The following NOL4L variants were observed in gnomAD, a reference collection of about 807,000 sequenced individuals.
NOL4L encodes nucleolar protein 4 like.
Under a neutral mutation model 64.5 loss-of-function variants are expected in NOL4L, and 7 were observed. That is an observed-to-expected ratio of 0.11 (90% CI 0.06 to 0.20). The LOEUF (loss-of-function observed/expected upper bound fraction) is 0.20, where lower values mean the gene tolerates loss of function less well. Among genes scored for constraint, NOL4L ranks in the 10% least tolerant of loss-of-function variants. The probability of loss-of-function intolerance (pLI) is 1.00; values close to 1 mark genes in which losing one functional copy is unlikely to be tolerated. For missense variants in NOL4L, 680 were observed against 967.1 expected (o/e 0.70, Z 3.94); for synonymous variants, 413 against 401.0 (o/e 1.03, Z -0.36).
intron 1 of NOL4L, among the ~76,000 whole-genome samples, chr20:32,551,055 C>CA (rs2018794481): frequency 1.3e-5 from 2 of 151,544 alleles, no homozygotes; most frequent in East Asian, 1.9e-4. Context: ...GACTCCATCT[C>CA]AAAAAATAAT....
chr20:32,505,517 G>C (rs1161588876), intron 4 of NOL4L, among the ~76,000 whole-genome samples: 1 of 152,106 alleles, frequency 6.6e-6, no homozygotes, highest in African/African-American at 2.4e-5. Context: ...TTGAGTTCCA[G>C]ACCAGCCCAG....
At chr20:32,465,196 T>G (rs1600675457) in intron 5 of NOL4L, 1 of 462,530 alleles carries the variant, frequency 2.2e-6, no homozygotes, top group Middle Eastern at 4.9e-4. Flanking sequence ...AGGCGGCGGG[T>G]AACTCATCAT....
chr20:32,522,899 G>C lies in NOL4L; in HGVS notation c.478-1977C>G, dbSNP rs958842738. Among the ~76,000 whole-genome samples, 5 of 152,310 alleles carry C rather than the reference G, an allele frequency of 3.3e-5. No homozygotes were observed. The South Asian group carries it at 6.2e-4, about 19-fold the overall frequency. On this transcript the variant is annotated intron_variant, in intron 2 of 10. Coordinates refer to ENST00000621426, the MANE Select transcript of NOL4L (RefSeq NM_001256798.2). ...GAAGAGGGCCAGGTCCCTACCATGA[G>C]GGCAGCCCTACTAAGCTACCCAAAG...
intron 4 of NOL4L, among the ~76,000 whole-genome samples, chr20:32,482,894 G>T (rs530940462): frequency 6.7e-6 from 1 of 148,332 alleles, no homozygotes; most frequent in Admixed American, 6.6e-5. Context: ...CCGCCCCGCC[G>T]CCAGAGAACG....
intron 1 of NOL4L, among the ~76,000 whole-genome samples, chr20:32,552,514 C>G (rs1034434541): frequency 5.3e-5 from 8 of 151,992 alleles, no homozygotes; most frequent in African/African-American, 1.9e-4. Flanking sequence ...TGGCGAAACT[C>G]TGTCTCTACT....
At chr20:32,474,480 A>AC (rs2015248246) in intron 5 of NOL4L, 121 bp downstream of exon 5, 2 of 1,251,894 alleles carry the variant, frequency 1.6e-6, no homozygotes, top group African/African-American at 3.1e-5. Flanking sequence ...GGCCTGAGCC[A>AC]CCCAAAGGCC....
In NOL4L at chr20:32,545,391, T is replaced by G. The variant is rs544385540; in HGVS notation, c.322-17478A>C. On this transcript the variant is annotated intron_variant, in intron 1 of 10. Coordinates refer to ENST00000621426, the MANE Select transcript of NOL4L (RefSeq NM_001256798.2). Reference sequence around the variant, plus strand: ...CCCAGTCCTTGAACTTCGTCCACCTTGGGGCCACTCACACGTGTGCGATGT... The same window carrying G: ...CCCAGTCCTTGAACTTCGTCCACCTGGGGGCCACTCACACGTGTGCGATGT... Among the ~76,000 whole-genome samples the G allele has an allele frequency of 1.1e-3, 172 of 152,350 alleles. 1 individual carries two copies. The highest frequency in any genetic ancestry group is 3.7e-3 in the African/African-American group (154 of 41,576).
intron 4 of NOL4L, among the ~76,000 whole-genome samples, chr20:32,487,601 G>T (rs2016145752): frequency 6.6e-6 from 1 of 152,124 alleles, no homozygotes; most frequent in Non-Finnish European, 1.5e-5. Flanking sequence ...GGGCCAGGGG[G>T]AGGGCAGGAG....
chr20:32,575,014 G>A (rs1342325773), intron 1 of NOL4L, among the ~76,000 whole-genome samples: 4 of 152,056 alleles, frequency 2.6e-5, no homozygotes, highest in East Asian at 1.9e-4. Flanking sequence ...CTGGTCCGTC[G>A]AGGAAACCCG....
intron 4 of NOL4L, among the ~76,000 whole-genome samples, chr20:32,479,217 C>T (rs2015581695): frequency 6.6e-6 from 1 of 152,210 alleles, no homozygotes; most frequent in Non-Finnish European, 1.5e-5. Flanking sequence ...GACAACTGTG[C>T]AGAGGGGGAA....
chr20:32,524,727 G>A (rs1465838693), intron 2 of NOL4L, among the ~76,000 whole-genome samples: 3 of 152,214 alleles, frequency 2.0e-5, no homozygotes, highest in Non-Finnish European at 4.4e-5. Context: ...CCACAGGCAT[G>A]GATGGGTGGG....
At chr20:32,584,414 C>G (rs1226246995) in intron 1 of NOL4L, among the ~76,000 whole-genome samples, 156 bp downstream of exon 1, 1 of 151,480 alleles carries the variant, frequency 6.6e-6, no homozygotes, top group South Asian at 2.1e-4. Flanking sequence ...CGGGAAGGGC[C>G]GGTGAGCAGG....
At position 32,446,070 on chromosome 20, in the gene NOL4L, A is replaced by G. The variant is rs1458313598; in HGVS notation, c.*1526T>C. 6.6e-6 allele frequency: 1 copy of G among 152,330 alleles called. No individual in the cohort carries two copies. Among genetic ancestry groups the G allele is most frequent in the African/African-American group, 2.4e-5 (1 of 41,446 alleles). The allele number at this position is 152,330 out of a possible 1,614,324, so 9.4% of individuals were successfully genotyped here. On this transcript the variant is annotated 3_prime_UTR_variant, in exon 11 of 11. Coordinates refer to ENST00000621426, the MANE Select transcript of NOL4L (RefSeq NM_001256798.2). Reference sequence around the variant, plus strand: ...TCTGCTCTGAGGGAGGAAAGGCAACAGAGGGCTTCTGCCAGCTCTGGGCAG... The same window carrying G: ...TCTGCTCTGAGGGAGGAAAGGCAACGGAGGGCTTCTGCCAGCTCTGGGCAG...
intron 4 of NOL4L, among the ~76,000 whole-genome samples, chr20:32,495,293 G>A (rs114887444): frequency 0.013 from 1,997 of 152,356 alleles, 52 homozygotes; most frequent in African/African-American, 0.046. Flanking sequence ...GAATGACCAT[G>A]GGGCTGGCAG....
chr20:32,520,886 C>T lies in NOL4L; in HGVS notation c.514G>A (p.Val172Met), dbSNP rs1568682935. ...ETYAFLPREA[V>M]TRFLMSCTEC... ...GTACAGCTCATCAGGAACCGGGTCA[C>T]GGCCTCTCTCGGGAGGAAGGCATAG... Residue 172 changes from valine to methionine, a missense_variant, in exon 3 of 11, where the codon GTG (valine) becomes ATG (methionine). Val to Met is a conservative substitution (Grantham distance 21). Around this residue, in one of 4 missense-constraint regions of NOL4L, gnomAD observed 181 missense variants for 335.2 expected, o/e 0.54. Transcript: ENST00000621426. 6.4e-7 allele frequency: 1 copy of T among 1,550,510 alleles called. No homozygotes were observed. The highest frequency in any genetic ancestry group is 8.7e-7 in the Non-Finnish European group (1 of 1,146,880).
chr20:32,547,941 G>T (rs1164232482), intron 1 of NOL4L, among the ~76,000 whole-genome samples: 1 of 152,122 alleles, frequency 6.6e-6, no homozygotes, highest in Non-Finnish European at 1.5e-5. Flanking sequence ...GCCCACAACT[G>T]GGTGGTTTCA....
At chr20:32,511,651 T>C (rs2145557032) in intron 3 of NOL4L, among the ~76,000 whole-genome samples, 195 bp from the exon 4 acceptor site, 1 of 152,288 alleles carries the variant, frequency 6.6e-6, no homozygotes, top group South Asian at 2.1e-4. Context: ...TATTTTTTTT[T>C]TATTAAATGC....
In NOL4L at chr20:32,453,071, C is replaced by T; in HGVS notation, c.1498-65G>A. ...GGGGGCCCTGGGCTTGTGCAGAGAC[C>T]CTGCCCCAGGGGTGGGTGGCACAGG... On this transcript the variant is annotated intron_variant, in intron 8 of 10. Coordinates refer to ENST00000621426, the MANE Select transcript of NOL4L (RefSeq NM_001256798.2). The surrounding 1 kb of genome is among the most constrained non-coding windows in gnomAD (Gnocchi z 5.6). The T allele has an allele frequency of 6.3e-7, 1 of 1,598,092 alleles. No homozygotes were observed.
chr20:32,456,109 C>A lies in NOL4L; in HGVS notation c.1119+9G>T. ...GAAAGAAATGGACTCAGCCCCCAGC[C>A]CCACACACCTCGGGGGTGGTCTTCA... On this transcript the variant is annotated intron_variant, in intron 6 of 10. Coordinates refer to ENST00000621426, the MANE Select transcript of NOL4L (RefSeq NM_001256798.2). 6.7e-7 allele frequency: 1 copy of A among 1,498,552 alleles called. No individual in the cohort carries two copies. Among genetic ancestry groups the A allele is most frequent in the Non-Finnish European group, 8.9e-7 (1 of 1,122,396 alleles). The allele number at this position is 1,498,552 out of a possible 1,614,324, so 92.8% of individuals were successfully genotyped here.
Sources: allele counts gnomAD v4.1 joint callset (sites outside exome capture counted in the v4.1 genomes callset), GRCh38; gene constraint gnomAD v4.1.1; regional missense constraint gnomAD v4.1.1; non-coding constraint Gnocchi (gnomAD v3.1); transcripts MANE v1.5; gene names NCBI Gene and HGNC (gene_info 2026-07-23, HGNC 2026-07-21).